NIPAL1: variants seen among roughly 807,000 people sequenced by gnomAD.
The protein encoded by NIPAL1 is magnesium transporter NIPA3.
In NIPAL1, 35 loss-of-function variants were observed where a neutral mutation model predicts 37.7. The ratio of observed to expected loss-of-function variants is 0.93; its 90% confidence interval spans 0.71 to 1.23. The LOEUF is 1.23. Among genes scored for constraint, NIPAL1 ranks in the 50% most tolerant of loss-of-function variants. The probability of loss-of-function intolerance (pLI) is 0.00; values close to 1 mark genes in which losing one functional copy is unlikely to be tolerated. For missense variants in NIPAL1, 412 were observed against 473.9 expected (o/e 0.87, Z 1.21); for synonymous variants, 162 against 183.0 (o/e 0.89, Z 0.93).
At position 48,037,717 on chromosome 4, in the gene NIPAL1, C is replaced by T. The variant is rs1446167223; in HGVS notation, c.*1545C>T. On this transcript the variant is annotated 3_prime_UTR_variant, in exon 6 of 6. Transcript: ENST00000295461. The stretch of plus-strand genomic sequence containing the variant: ...CAAAATACTAAGATCTCAGGGGCTA[C>T]TGCAGGAAAATACCTTTTTCGCACA... 1.3e-5 allele frequency: 2 copies of T among 152,212 alleles called. No homozygotes were observed. The highest frequency in any genetic ancestry group is 2.9e-5 in the Non-Finnish European group (2 of 68,056). 9.4% of individuals were successfully genotyped at this position (152,212 alleles called of 1,614,324 possible).
chr4:48,021,884 G>A (rs985627199), intron 1 of NIPAL1, among the ~76,000 whole-genome samples: 4 of 52,424 alleles, frequency 7.6e-5, no homozygotes, highest in African/African-American at 1.4e-4. Flanking sequence ...TTGATACATT[G>A]GTGTGTATAT....
At position 48,027,256 on chromosome 4, in the gene NIPAL1, T is replaced by TA. The variant is rs1715714314; in HGVS notation, c.313+1924dup. Among the ~76,000 whole-genome samples, 1 of 152,108 alleles carries TA rather than the reference T, an allele frequency of 6.6e-6. No homozygotes were observed. The highest frequency in any genetic ancestry group is 6.5e-5 in the Admixed American group (1 of 15,274). ...TCAATAAGTAAAAAGGTTAGTACCC[T>TA]AACAGAAAATAGACATGGCATATAA... is the stretch of plus-strand genomic sequence containing the variant. On this transcript the variant is annotated intron_variant, in intron 2 of 5. Transcript: ENST00000295461. The surrounding 1 kb of genome is among the most constrained non-coding windows in gnomAD (Gnocchi z 4.1).
rs781141386 is a variant in NIPAL1 at position 48,036,019 on chromosome 4, T to C, written c.1080T>C (p.Thr360=). Residue 360 remains threonine, a synonymous_variant, in exon 6 of 6, where the codon ACT becomes ACC. Coordinates refer to ENST00000295461, the MANE Select transcript of NIPAL1 (RefSeq NM_207330.3). ...TCCTTCTACATGCTTTTAAAAATAC[T>C]GACATTACTTGGAGTGAGCTTACAT... is the stretch of plus-strand genomic sequence containing the variant. ...GIFLLHAFKN[T]DITWSELTST... 23 of 1,613,126 alleles carry C rather than the reference T, an allele frequency of 1.4e-5. No individual in the cohort carries two copies. In the South Asian group the frequency reaches 2.2e-4, roughly 15 times the overall value.
At chr4:48,029,927 A>C (rs1237864196) in intron 2 of NIPAL1, among the ~76,000 whole-genome samples, 193 bp from the exon 3 acceptor site, 1 of 152,180 alleles carries the variant, frequency 6.6e-6, no homozygotes, top group African/African-American at 2.4e-5. Flanking sequence ...GGATTTGTTA[A>C]ATCATTGTAA....
At chr4:48,024,931 C>T in intron 1 of NIPAL1, 137 bp from the exon 2 acceptor site, 2 of 706,212 alleles carry the variant, frequency 2.8e-6, no homozygotes, top group South Asian at 3.6e-5. Context: ...GTCTGTGGGC[C>T]ACCTGTTAGC....
At chr4:48,032,774 T>G (rs979918950) in intron 3 of NIPAL1, among the ~76,000 whole-genome samples, 2 of 152,216 alleles carry the variant, frequency 1.3e-5, no homozygotes, top group African/African-American at 4.8e-5. Flanking sequence ...CTGTCACCAT[T>G]TTTTGCATCT....
chr4:48,033,456 C>G (rs1715863462), intron 4 of NIPAL1, among the ~76,000 whole-genome samples: 1 of 152,154 alleles, frequency 6.6e-6, no homozygotes, highest in African/African-American at 2.4e-5. Context: ...ACATTTGTAA[C>G]ACTGCAATGA....
intron 1 of NIPAL1, among the ~76,000 whole-genome samples, chr4:48,023,975 CTTTT>C (rs11329586): frequency 9.3e-6 from 1 of 107,790 alleles, no homozygotes; most frequent in Non-Finnish European, 2.0e-5. Context: ...CAGATTTCTT[CTTTT>C]TTTTTTTTTT....
chr4:48,023,379 C>T (rs1309394701), intron 1 of NIPAL1, among the ~76,000 whole-genome samples: 1 of 152,096 alleles, frequency 6.6e-6, no homozygotes, highest in African/African-American at 2.4e-5. Flanking sequence ...TGAAGCTTTG[C>T]CAGGGGTACA....
rs1437954841 is a variant in NIPAL1, at chr4:48,039,711, A to G, written c.*3539A>G. On this transcript the variant is annotated 3_prime_UTR_variant, in exon 6 of 6. Transcript: ENST00000295461. ...TAACACATATTTTAAAGTATTAAAT[A>G]CATGGAAAGCATCTGGCATTATGCC... is the stretch of plus-strand genomic sequence containing the variant. The G allele has an allele frequency of 2.0e-5, 3 of 152,258 alleles. No individual in the cohort carries two copies. Among genetic ancestry groups the G allele is most frequent in the Non-Finnish European group, 4.4e-5 (3 of 68,042 alleles). 9.4% of individuals were successfully genotyped at this position (152,258 alleles called of 1,614,324 possible).
chr4:48,023,291 CATT>C (rs1166148405), intron 1 of NIPAL1, among the ~76,000 whole-genome samples: 1 of 151,956 alleles, frequency 6.6e-6, no homozygotes, highest in Non-Finnish European at 1.5e-5. Context: ...CCTTGAATTC[CATT>C]ATTTTATTAT....
Position 48,025,217 on chromosome 4 carries a change from T to TA in NIPAL1, c.197dup (p.Tyr66Ter). The change falls in exon 2 of 6, where the codon TAC becomes TAAC. Residue 66 changes from tyrosine to a stop codon, truncating the protein, a stop_gained and frameshift_variant. Coordinates refer to ENST00000295461, the MANE Select transcript of NIPAL1 (RefSeq NM_207330.3). LOFTEE classifies it high-confidence loss of function. ...LSISANVENK[Y>*]SLYVGLVLAV... Reference sequence around the variant, plus strand: ...CATTTCAGCAAATGTAGAAAACAAATACAGTCTTTATGTGGGCTTGGTACT... The same window carrying TA: ...CATTTCAGCAAATGTAGAAAACAAATAACAGTCTTTATGTGGGCTTGGTACT... The TA allele has an allele frequency of 1.2e-6, 2 of 1,614,150 alleles. No individual in the cohort carries two copies. Among genetic ancestry groups the TA allele is most frequent in the Non-Finnish European group, 1.7e-6 (2 of 1,180,020 alleles).
chr4:48,019,255 C>A lies in NIPAL1; in HGVS notation c.46+2370C>A, dbSNP rs370679621. Among the ~76,000 whole-genome samples the A allele has an allele frequency of 8.1e-4, 124 of 152,320 alleles. 2 individuals are homozygous for A. The highest frequency in any genetic ancestry group is 2.7e-3 in the African/African-American group (112 of 41,578). ...CTTGAACTCCTGACTTCAAGTGATA[C>A]TCCTACCTTGGCATCCCAAAGTGCT... On this transcript the variant is annotated intron_variant, in intron 1 of 5. Coordinates refer to ENST00000295461, the MANE Select transcript of NIPAL1 (RefSeq NM_207330.3).
chr4:48,018,778 A>G (rs1715509820), intron 1 of NIPAL1, among the ~76,000 whole-genome samples: 1 of 152,238 alleles, frequency 6.6e-6, no homozygotes, highest in Admixed American at 6.5e-5. Context: ...TCCTGCTCTC[A>G]GGCACCTTAC....
rs1577624869 is a variant in NIPAL1, at chr4:48,027,914, G to T, written c.314-2206G>T. On this transcript the variant is annotated intron_variant, in intron 2 of 5. Coordinates refer to ENST00000295461, the MANE Select transcript of NIPAL1 (RefSeq NM_207330.3). The surrounding 1 kb of genome is among the most constrained non-coding windows in gnomAD (Gnocchi z 4.1). ...TGTCAACCATCTTCTTCCCTTTACA[G>T]TCCTCATTACTACCAATGTAATTTA... 6.6e-6 allele frequency among the ~76,000 whole-genome samples: 1 copy of T among 152,188 alleles called. No homozygotes were observed. Among genetic ancestry groups the T allele is most frequent in the African/African-American group, 2.4e-5 (1 of 41,538 alleles).
At chr4:48,019,889 T>C (rs1282934397) in intron 1 of NIPAL1, among the ~76,000 whole-genome samples, 1 of 152,248 alleles carries the variant, frequency 6.6e-6, no homozygotes, top group East Asian at 1.9e-4. Flanking sequence ...GCAACCTGGC[T>C]GACTGCAGTT....
intron 2 of NIPAL1, among the ~76,000 whole-genome samples, chr4:48,029,800 A>G (rs1450015473): frequency 6.6e-6 from 1 of 152,244 alleles, no homozygotes; most frequent in African/African-American, 2.4e-5. Flanking sequence ...CTAGGAATTT[A>G]TCGTGAAGAA....
At position 48,024,930 on chromosome 4, in the gene NIPAL1, C is replaced by A. The variant is rs1414392771; in HGVS notation, c.47-138C>A. 32 of 701,762 alleles carry A rather than the reference C, an allele frequency of 4.6e-5. No homozygotes were observed. The Admixed American group carries it at 6.2e-4, about 14-fold the overall frequency. 43.5% of individuals were successfully genotyped at this position (701,762 alleles called of 1,614,324 possible). A position where few individuals can be genotyped will look rare whatever the true frequency, so the allele number is the denominator to read the frequency against. On this transcript the variant is annotated intron_variant, in intron 1 of 5. Coordinates refer to ENST00000295461, the MANE Select transcript of NIPAL1 (RefSeq NM_207330.3). ...TTGACAGTGTCTATAGGTCTGTGGG[C>A]CACCTGTTAGCGACTTCCCTACATG...
chr4:48,030,783 C>T (rs1395379666), intron 3 of NIPAL1, among the ~76,000 whole-genome samples: 2 of 152,218 alleles, frequency 1.3e-5, no homozygotes, highest in Non-Finnish European at 2.9e-5. Flanking sequence ...TTGCTGACTT[C>T]AGTCTCCCCA....
Sources: allele counts gnomAD v4.1 joint callset (sites outside exome capture counted in the v4.1 genomes callset), GRCh38; gene constraint gnomAD v4.1.1; non-coding constraint Gnocchi (gnomAD v3.1); transcripts MANE v1.5; gene names NCBI Gene and HGNC (gene_info 2026-07-23, HGNC 2026-07-21).